Variants in RYR2 observed in about 807,000 individuals in gnomAD.
The protein encoded by RYR2 is cardiac muscle ryanodine receptor-calcium release channel.
Under a neutral mutation model 601.1 loss-of-function variants are expected in RYR2, and 227 were observed. That is an observed-to-expected ratio of 0.38 (90% CI 0.34 to 0.42). The LOEUF is 0.42. Ranked by LOEUF, RYR2 falls within the 10% of genes least tolerant of loss-of-function variation. The pLI is 1.00. For missense variants in RYR2, 4,646 were observed against 6,156.5 expected (o/e 0.75, Z 8.21); for synonymous variants, 2,223 against 2,175.1 (o/e 1.02, Z -0.61).
intron 25 of RYR2, among the ~76,000 whole-genome samples, chr1:237,535,455 A>G (rs1420160858): frequency 6.7e-6 from 1 of 150,266 alleles, no homozygotes; most frequent in Non-Finnish European, 1.5e-5. Flanking sequence ...TAGAGCTATA[A>G]CTATTAAAGG....
chr1:237,420,353 T>G (rs947364447), intron 11 of RYR2, among the ~76,000 whole-genome samples: 5 of 152,220 alleles, frequency 3.3e-5, no homozygotes, highest in African/African-American at 1.2e-4. Context: ...AAGGGTGACA[T>G]ATCATAAAGA....
Position 237,051,326 on chromosome 1 carries a change from C to T in RYR2, c.48+8757C>T, listed in dbSNP as rs536229489. ...TCTTTCTCTTTATCTCTCTCCCTCC[C>T]CTCCCCTCCCCTCCCCTCTCGTCTT... is the stretch of plus-strand genomic sequence containing the variant. On this transcript the variant is annotated intron_variant, in intron 1 of 104. Transcript: ENST00000366574. 4.9e-5 allele frequency among the ~76,000 whole-genome samples: 7 copies of T among 144,010 alleles called. No homozygotes were observed. The East Asian group carries it at 1.2e-3, about 26-fold the overall frequency. 94.5% of individuals were successfully genotyped at this position (144,010 alleles called of 152,430 possible).
Position 237,423,151 on chromosome 1 carries a change from G to A in RYR2, c.908G>A (p.Gly303Glu), listed in dbSNP as rs868550227. Residue 303 changes from glycine to glutamate, a missense_variant, in exon 12 of 105, where the codon GGA becomes GAA. Physicochemically the swap from Gly to Glu is moderately conservative, Grantham distance 98. Transcript: ENST00000366574. The stretch of plus-strand genomic sequence containing the variant: ...TTCCGACTACGCCATGTCACAACAG[G>A]AAAATACTTGAGTCTCATGGAAGAC... ...QPFRLRHVTT[G>E]KYLSLMEDKN... is the part of the protein sequence containing the mutation. 13 of 1,613,656 alleles carry A rather than the reference G, an allele frequency of 8.1e-6. No individual in the cohort carries two copies. Among genetic ancestry groups the A allele is most frequent in the Non-Finnish European group, 1.1e-5 (13 of 1,179,810 alleles).
intron 80 of RYR2, among the ~76,000 whole-genome samples, chr1:237,745,889 G>A (rs890186640): frequency 3.3e-5 from 5 of 151,814 alleles, no homozygotes; most frequent in African/African-American, 1.2e-4. Flanking sequence ...CACCAGATTT[G>A]GGGATTTGCG....
chr1:237,276,893 A>G (rs1690342799), intron 2 of RYR2, among the ~76,000 whole-genome samples: 1 of 152,214 alleles, frequency 6.6e-6, no homozygotes, highest in South Asian at 2.1e-4. Context: ...TCCAAAGCAT[A>G]ATAAAAGAAG....
chr1:237,586,215 TA>T (rs796662668), intron 29 of RYR2, among the ~76,000 whole-genome samples: 41 of 152,368 alleles, frequency 2.7e-4, no homozygotes, highest in African/African-American at 8.4e-4. Context: ...CAATTATTTT[TA>T]TTTGCCATAT....
chr1:237,790,927 A>G (rs1357799177), intron 92 of RYR2, among the ~76,000 whole-genome samples: 2 of 147,514 alleles, frequency 1.4e-5, no homozygotes, highest in Non-Finnish European at 3.0e-5. Flanking sequence ...CCCACACATC[A>G]GTCTCCCTTC....
chr1:237,562,939 G>A (rs896960018), intron 27 of RYR2, among the ~76,000 whole-genome samples: 5 of 152,114 alleles, frequency 3.3e-5, no homozygotes, highest in Non-Finnish European at 5.9e-5. Flanking sequence ...TGTGGCTCAG[G>A]TGCTTGATAC....
intron 88 of RYR2, among the ~76,000 whole-genome samples, chr1:237,781,091 C>T (rs116501034): frequency 0.011 from 1,648 of 152,222 alleles, 17 homozygotes; most frequent in Middle Eastern, 0.02. Context: ...CTCTGTCACC[C>T]GGGCTGGAGT....
intron 22 of RYR2, among the ~76,000 whole-genome samples, chr1:237,504,032 T>G (rs1664947337): frequency 6.6e-6 from 1 of 152,216 alleles, no homozygotes; most frequent in Non-Finnish European, 1.5e-5. Context: ...TAAGTAGTTT[T>G]CCCAACCCAA....
chr1:237,527,387 C>T (rs1667700031), intron 24 of RYR2, among the ~76,000 whole-genome samples: 1 of 152,164 alleles, frequency 6.6e-6, no homozygotes, highest in South Asian at 2.1e-4. Flanking sequence ...AATGTGTTGG[C>T]ACTATGCCCC....
At chr1:237,792,461 C>A in intron 94 of RYR2, 138 bp downstream of exon 94, 1 of 579,848 alleles carries the variant, frequency 1.7e-6, no homozygotes, top group Non-Finnish European at 2.9e-6. Context: ...AGATTCTGAG[C>A]TGGAAACTTT....
At chr1:237,150,470 A>G (rs1674584932) in intron 1 of RYR2, among the ~76,000 whole-genome samples, 1 of 152,164 alleles carries the variant, frequency 6.6e-6, no homozygotes, top group South Asian at 2.1e-4. Context: ...CCCGGTGCTT[A>G]ACCTAATACC....
chr1:237,217,584 G>A (rs947668494), intron 1 of RYR2, among the ~76,000 whole-genome samples: 3 of 152,092 alleles, frequency 2.0e-5, no homozygotes, highest in Admixed American at 1.3e-4. Context: ...TTCATAGGAC[G>A]GCAGAGTATC....
chr1:237,177,226 G>T (rs977887010), intron 1 of RYR2, among the ~76,000 whole-genome samples: 2 of 152,082 alleles, frequency 1.3e-5, no homozygotes, highest in African/African-American at 2.4e-5. Flanking sequence ...CTTTGGAATG[G>T]CAATATGTCA....
At chr1:237,286,311 C>A (rs556311173) in intron 2 of RYR2, among the ~76,000 whole-genome samples, 3 of 151,870 alleles carry the variant, frequency 2.0e-5, no homozygotes, top group Non-Finnish European at 4.4e-5. Flanking sequence ...ATTTAATTTC[C>A]ATGTATTTGC....
intron 19 of RYR2, among the ~76,000 whole-genome samples, chr1:237,494,938 A>T (rs576668478): frequency 2.0e-5 from 3 of 151,400 alleles, no homozygotes; most frequent in Non-Finnish European, 4.4e-5. Context: ...TTACAGGTGC[A>T]CACCACCACA....
chr1:237,093,324 G>A (rs1302709688), intron 1 of RYR2, among the ~76,000 whole-genome samples: 1 of 152,176 alleles, frequency 6.6e-6, no homozygotes, highest in Non-Finnish European at 1.5e-5. Flanking sequence ...TGGTGGGCTA[G>A]GGGAGGAGCT....
At chr1:237,604,648 A>G (rs1676899913) in intron 35 of RYR2, among the ~76,000 whole-genome samples, 1 of 152,156 alleles carries the variant, frequency 6.6e-6, no homozygotes, top group Non-Finnish European at 1.5e-5. Context: ...TTTTTTGAAA[A>G]GATCAACAAA....
Sources: allele counts gnomAD v4.1 joint callset (sites outside exome capture counted in the v4.1 genomes callset), GRCh38; gene constraint gnomAD v4.1.1; transcripts MANE v1.5; gene names NCBI Gene and HGNC (gene_info 2026-07-23, HGNC 2026-07-21).